BMPR1B: variants seen among roughly 807,000 people sequenced by gnomAD.
BMPR1B encodes the protein bone morphogenetic protein receptor type 1B.
BMPR1B carries 12 observed loss-of-function variants against 59.1 expected under a neutral mutation model. That is an observed-to-expected ratio of 0.20 (90% CI 0.13 to 0.33). The LOEUF is 0.33. Among genes scored for constraint, BMPR1B ranks in the 10% least tolerant of loss-of-function variants. BMPR1B has a pLI of 1.00. For missense variants in BMPR1B, 550 were observed against 610.9 expected (o/e 0.90, Z 1.05); for synonymous variants, 237 against 207.3 (o/e 1.14, Z -1.23).
intron 1 of BMPR1B, among the ~76,000 whole-genome samples, chr4:94,836,757 T>C (rs544679811): frequency 2.0e-5 from 3 of 146,500 alleles, no homozygotes; most frequent in Admixed American, 1.4e-4. Flanking sequence ...AAGCTCTTTA[T>C]TTTAATTAGA....
At position 95,110,752 on chromosome 4, in the gene BMPR1B, T is replaced by C. The variant is rs368229129; in HGVS notation, c.144-3968T>C. Among the ~76,000 whole-genome samples, 698 of 152,294 alleles carry C rather than the reference T, an allele frequency of 4.6e-3. 6 individuals carry two copies. The highest frequency in any genetic ancestry group is 0.016 in the African/African-American group (671 of 41,570). On this transcript the variant is annotated intron_variant, in intron 4 of 12. Coordinates refer to ENST00000515059, the MANE Select transcript of BMPR1B (RefSeq NM_001203.3). ...TCCAGGATTGGTGGCCTTCGTAGAC[T>C]ATGAGTTCCTCAAAATGCACCCTTG... is the stretch of plus-strand genomic sequence containing the variant.
chr4:95,000,517 GAA>G (rs1357276353), intron 3 of BMPR1B, among the ~76,000 whole-genome samples: 2 of 151,898 alleles, frequency 1.3e-5, no homozygotes, highest in African/African-American at 4.8e-5. Flanking sequence ...AAGAAAGAAA[GAA>G]AGAGAGAGAG....
At chr4:94,763,915 A>C (rs1023375792) in intron 1 of BMPR1B, among the ~76,000 whole-genome samples, 2 of 152,212 alleles carry the variant, frequency 1.3e-5, no homozygotes, top group African/African-American at 4.8e-5. Flanking sequence ...GATAGTCCAC[A>C]TAATGGAGGA....
chr4:94,759,805 CTT>C (rs1721689086), intron 1 of BMPR1B, among the ~76,000 whole-genome samples: 1 of 152,162 alleles, frequency 6.6e-6, no homozygotes, highest in African/African-American at 2.4e-5. Flanking sequence ...TTATTACACA[CTT>C]AGATCATTGT....
chr4:94,827,768 G>A (rs983080089), intron 1 of BMPR1B, among the ~76,000 whole-genome samples: 3 of 152,154 alleles, frequency 2.0e-5, no homozygotes, highest in African/African-American at 7.2e-5. Flanking sequence ...TTCACATGCA[G>A]TTTTTGTGAT....
chr4:94,954,462 G>C (rs960300173), intron 2 of BMPR1B, among the ~76,000 whole-genome samples: 2 of 152,168 alleles, frequency 1.3e-5, no homozygotes, highest in African/African-American at 4.8e-5. Context: ...TGGCTGCTCA[G>C]ATTGTGCAAT....
chr4:94,765,714 A>G (rs138343266), intron 1 of BMPR1B, among the ~76,000 whole-genome samples: 124 of 152,310 alleles, frequency 8.1e-4, no homozygotes, highest in African/African-American at 2.8e-3. Context: ...GGTTTGAGGT[A>G]ATATGAGCTA....
At chr4:94,949,235 G>C (rs1158309539) in intron 2 of BMPR1B, among the ~76,000 whole-genome samples, 1 of 151,460 alleles carries the variant, frequency 6.6e-6, no homozygotes, top group Non-Finnish European at 1.5e-5. Context: ...TTGGTTTTCT[G>C]TCCCTGTGTT....
chr4:95,152,799 T>G, intron 12 of BMPR1B, 26 bp downstream of exon 12: 1 of 1,610,666 alleles, frequency 6.2e-7, no homozygotes, highest in Non-Finnish European at 8.5e-7. Context: ...ACCATGTGGC[T>G]GTGACAGACT....
chr4:94,831,095 A>G (rs547494674), intron 1 of BMPR1B, among the ~76,000 whole-genome samples: 1 of 152,242 alleles, frequency 6.6e-6, no homozygotes, highest in South Asian at 2.1e-4. Context: ...TGACAGCTCT[A>G]TGTGTGTTAT....
At chr4:95,084,318 CGTGT>C (rs201153803) in intron 3 of BMPR1B, among the ~76,000 whole-genome samples, 3 of 150,442 alleles carry the variant, frequency 2.0e-5, no homozygotes, top group African/African-American at 7.3e-5. Context: ...TATATTTATA[CGTGT>C]GTGTGTATGT....
chr4:94,830,989 C>G (rs1053614910), intron 1 of BMPR1B, among the ~76,000 whole-genome samples: 11 of 152,186 alleles, frequency 7.2e-5, no homozygotes, highest in Admixed American at 1.3e-4. Context: ...GGAATGTACT[C>G]CTACTAATTA....
intron 3 of BMPR1B, among the ~76,000 whole-genome samples, chr4:95,101,040 A>C (rs185146107): frequency 3.7e-4 from 57 of 152,292 alleles, no homozygotes; most frequent in African/African-American, 1.2e-3. Context: ...AGAAGAACTG[A>C]CTGGAAGCTC....
chr4:94,987,898 G>GA (rs1296237672), intron 2 of BMPR1B, among the ~76,000 whole-genome samples: 1 of 151,998 alleles, frequency 6.6e-6, no homozygotes, highest in Non-Finnish European at 1.5e-5. Flanking sequence ...TATAATGAAA[G>GA]AAAACAGTTG....
intron 2 of BMPR1B, among the ~76,000 whole-genome samples, chr4:94,994,726 A>G (rs1721954709): frequency 1.3e-5 from 2 of 151,750 alleles, no homozygotes; most frequent in African/African-American, 4.8e-5. Flanking sequence ...TACACTGTAG[A>G]AAGTTATTTT....
intron 10 of BMPR1B, among the ~76,000 whole-genome samples, chr4:95,136,283 T>C (rs946595619): frequency 2.0e-5 from 3 of 152,160 alleles, no homozygotes; most frequent in Admixed American, 1.3e-4. Context: ...TGGATAAGCT[T>C]TTTGATGTGC....
At chr4:94,944,889 T>C (rs1325338103) in intron 2 of BMPR1B, among the ~76,000 whole-genome samples, 3 of 152,218 alleles carry the variant, frequency 2.0e-5, no homozygotes, top group Admixed American at 2.0e-4. Context: ...ATCATTATTA[T>C]AACAGACTTC....
At chr4:94,956,165 T>C (rs1383280431) in intron 2 of BMPR1B, among the ~76,000 whole-genome samples, 1 of 152,210 alleles carries the variant, frequency 6.6e-6, no homozygotes, top group Admixed American at 6.5e-5. Flanking sequence ...TTGTAATTTC[T>C]TTCTACGTAT....
intron 8 of BMPR1B, among the ~76,000 whole-genome samples, chr4:95,126,051 A>G (rs1732882839): frequency 6.6e-6 from 1 of 152,140 alleles, no homozygotes; most frequent in African/African-American, 2.4e-5. Context: ...CTCAAGGCCT[A>G]CCTCATGTTT....
Sources: allele counts gnomAD v4.1 joint callset (sites outside exome capture counted in the v4.1 genomes callset), GRCh38; gene constraint gnomAD v4.1.1; transcripts MANE v1.5; gene names NCBI Gene and HGNC (gene_info 2026-07-23, HGNC 2026-07-21).